The following PDE1C variants were observed in gnomAD, a reference collection of about 807,000 sequenced individuals.
PDE1C encodes dual specificity calcium/calmodulin-dependent 3',5'-cyclic nucleotide phosphodiesterase 1C.
In PDE1C, 62 loss-of-function variants were observed where a neutral mutation model predicts 93.1. That is an observed-to-expected ratio of 0.67 (90% CI 0.54 to 0.82). PDE1C has a LOEUF of 0.82. Ranked by LOEUF, PDE1C falls within the 40% of genes least tolerant of loss-of-function variation. The pLI, the probability that PDE1C is intolerant of heterozygous loss-of-function variation, is 0.00. For synonymous variants in PDE1C, 325 were observed against 310.1 expected (o/e 1.05, Z -0.50); for missense variants, 742 against 884.6 (o/e 0.84, Z 2.04).
At chr7:31,702,207 A>ATTTT in the PDE1C span, among the ~76,000 whole-genome samples, 48 of 141,976 alleles carry the variant, frequency 3.4e-4, no homozygotes, top group East Asian at 1.1e-3. Flanking sequence ...ACCCTTATTT[A>ATTTT]TTTTTTTTTT....
At chr7:31,788,111 A>G (rs1784196171) in intron 16 of PDE1C, 1 of 152,154 alleles carries the variant, frequency 6.6e-6, no homozygotes, top group African/African-American at 2.4e-5. Context: ...TTGGTGCTAG[A>G]AAAAATGGCT....
chr7:31,961,076 C>T (rs1383711599), intron 2 of PDE1C, among the ~76,000 whole-genome samples: 2 of 152,108 alleles, frequency 1.3e-5, no homozygotes, highest in East Asian at 1.9e-4. Context: ...TAAGCATGAA[C>T]TGCTTTGCCT....
At chr7:31,828,246 G>C in intron 12 of PDE1C, 46 bp downstream of exon 12, 1 of 1,496,262 alleles carries the variant, frequency 6.7e-7, no homozygotes, top group Non-Finnish European at 9.3e-7. Context: ...TACTTCTACA[G>C]GCTTCCTGCT....
intron 16 of PDE1C, chr7:31,790,148 T>C: frequency 4.4e-6 from 7 of 1,596,408 alleles, no homozygotes; most frequent in South Asian, 1.1e-5. Flanking sequence ...TCTCCAGATA[T>C]GGGTCTTTGT....
At chr7:31,641,064 C>T in the PDE1C span, among the ~76,000 whole-genome samples, 1 of 152,236 alleles carries the variant, frequency 6.6e-6, no homozygotes, top group Non-Finnish European at 1.5e-5. Context: ...CACTTGCTGT[C>T]TTTGCTCAGA....
At chr7:31,975,574 A>ATTTTATATATAT (rs1315117471) in intron 2 of PDE1C, among the ~76,000 whole-genome samples, 2 of 151,806 alleles carry the variant, frequency 1.3e-5, no homozygotes, top group African/African-American at 4.8e-5. Flanking sequence ...AACATATCTA[A>ATTTTATATATAT]TTTTATATAT....
chr7:32,059,232 G>A (rs1327080624), intron 1 of PDE1C, among the ~76,000 whole-genome samples: 1 of 152,164 alleles, frequency 6.6e-6, no homozygotes, highest in East Asian at 1.9e-4. Flanking sequence ...TGTGGTTTGG[G>A]GGTGGGGATG....
intron 1 of PDE1C, among the ~76,000 whole-genome samples, chr7:32,342,701 T>C (rs912534740): frequency 2.6e-5 from 4 of 152,190 alleles, no homozygotes; most frequent in Non-Finnish European, 5.9e-5. Flanking sequence ...TTGTGTGATC[T>C]TGGGCAAGTG....
chr7:31,726,197 A>C, the PDE1C span, among the ~76,000 whole-genome samples: 1 of 152,070 alleles, frequency 6.6e-6, no homozygotes, highest in South Asian at 2.1e-4. Context: ...ATCTCCCAAG[A>C]AGTTAGGACT....
the PDE1C span, chr7:31,642,816 C>A: frequency 6.2e-7 from 1 of 1,613,820 alleles, no homozygotes; most frequent in Non-Finnish European, 8.5e-7. Context: ...GTAGGGCGAG[C>A]ATGTCTTTTT....
chr7:31,885,913 T>G (rs1248117180), intron 2 of PDE1C, among the ~76,000 whole-genome samples: 2 of 152,226 alleles, frequency 1.3e-5, no homozygotes. Context: ...TTCATTCTTT[T>G]GCACAAATAA....
intron 1 of PDE1C, chr7:32,298,589 G>T: frequency 6.5e-7 from 1 of 1,536,126 alleles, no homozygotes; most frequent in South Asian, 1.2e-5. Flanking sequence ...AAGGAACTCT[G>T]ACCGCCACCG....
chr7:31,891,345 C>T (rs919806455), intron 2 of PDE1C, among the ~76,000 whole-genome samples: 5 of 152,136 alleles, frequency 3.3e-5, no homozygotes, highest in Non-Finnish European at 4.4e-5. Context: ...TCCAGCCAAT[C>T]TCTGCCCCAC....
chr7:32,406,798 T>A (rs1785060994), intron 1 of PDE1C, among the ~76,000 whole-genome samples: 1 of 151,938 alleles, frequency 6.6e-6, no homozygotes, highest in South Asian at 2.1e-4. Flanking sequence ...TTGCACAGGG[T>A]TTGGGCCCTG....
intron 2 of PDE1C, among the ~76,000 whole-genome samples, chr7:32,035,354 C>G (rs1258085267): frequency 1.3e-5 from 2 of 152,164 alleles, no homozygotes; most frequent in African/African-American, 4.8e-5. Context: ...CCTAAATACT[C>G]TTAGTCTGTA....
At chr7:31,926,405 G>A (rs73686824) in intron 2 of PDE1C, among the ~76,000 whole-genome samples, 1,742 of 152,302 alleles carry the variant, frequency 0.011, 28 homozygotes, top group African/African-American at 0.04. Context: ...TGGAATATAA[G>A]TGCATTAAAT....
chr7:31,759,561 T>C (rs896745022), intron 17 of PDE1C, among the ~76,000 whole-genome samples: 2 of 152,178 alleles, frequency 1.3e-5, no homozygotes. Context: ...GAGAAAATGA[T>C]CTAATTAGTT....
chr7:32,350,202 T>A (rs1783936317), intron 1 of PDE1C, among the ~76,000 whole-genome samples: 1 of 152,172 alleles, frequency 6.6e-6, no homozygotes, highest in Admixed American at 6.5e-5. Flanking sequence ...ATTTAGCTAT[T>A]CCCAGCACCA....
At chr7:32,372,316 AG>A (rs1784348575) in intron 1 of PDE1C, among the ~76,000 whole-genome samples, 1 of 152,114 alleles carries the variant, frequency 6.6e-6, no homozygotes, top group Non-Finnish European at 1.5e-5. Flanking sequence ...GGCCTCCCAA[AG>A]TGTTGGAATT....
Sources: gnomAD v4.1 joint callset for allele counts (sites outside exome capture counted in the v4.1 genomes callset) on GRCh38, gnomAD v4.1.1 for gene constraint, MANE v1.5 for transcripts, NCBI Gene and HGNC (gene_info 2026-07-23, HGNC 2026-07-21) for gene names.